BANP: variants seen among roughly 807,000 people sequenced by gnomAD.
BANP encodes BTG3 associated nuclear protein, also known as protein BANP.
A neutral mutation model predicts 68.1 loss-of-function variants in BANP; 11 were observed. That is an observed-to-expected ratio of 0.16 (90% CI 0.10 to 0.27). The LOEUF (loss-of-function observed/expected upper bound fraction) is 0.27. BANP is among the 10% of genes least tolerant of loss of function. BANP has a pLI of 1.00. For synonymous variants in BANP, 329 were observed against 303.2 expected (o/e 1.09, Z -0.88); for missense variants, 504 against 722.7 (o/e 0.70, Z 3.47).
chr16:88,064,628 G>T lies in BANP; in HGVS notation c.1312-639G>T, dbSNP rs1027462611. On this transcript the variant is annotated intron_variant, in intron 11 of 13. Transcript: ENST00000682872. The surrounding 1 kb of genome is among the most constrained non-coding windows in gnomAD (Gnocchi z 4.5). Reference sequence around the variant, plus strand: ...CGTGGCACTCCCCGAGGAGGCCTGGGGACCCCTCCTGGACATGCCTTCCTC... The same window carrying T: ...CGTGGCACTCCCCGAGGAGGCCTGGTGACCCCTCCTGGACATGCCTTCCTC... Among the ~76,000 whole-genome samples the T allele has an allele frequency of 2.6e-5, 4 of 152,232 alleles. No individual in the cohort carries two copies. The highest frequency in any genetic ancestry group is 9.6e-5 in the African/African-American group (4 of 41,472).
chr16:88,034,745 T>A (rs369695733), intron 9 of BANP, among the ~76,000 whole-genome samples: 5 of 152,370 alleles, frequency 3.3e-5, no homozygotes, highest in African/African-American at 1.2e-4. Flanking sequence ...TTTAAAGATG[T>A]AAATATCTTT....
chr16:88,003,673 C>T lies in BANP; in HGVS notation c.363-622C>T, dbSNP rs2070101081. ...GCTGGTTTCTGGGCCATGGTCTGTT[C>T]TTTTGTAGAATCTTTTCCTTCAAAG... On this transcript the variant is annotated intron_variant, in intron 4 of 13. Transcript: ENST00000682872. This position sits in a 1 kb window ranked among gnomAD's most constrained non-coding sequence, Gnocchi z 6.1. 1 of 368,620 alleles carries T rather than the reference C, an allele frequency of 2.7e-6. No individual in the cohort carries two copies. The highest frequency in any genetic ancestry group is 3.6e-5 in the Admixed American group (1 of 28,158). The allele number at this position is 368,620 out of a possible 1,614,324, so 22.8% of individuals were successfully genotyped here.
chr16:88,034,154 G>T (rs947096405), intron 9 of BANP, among the ~76,000 whole-genome samples: 2 of 152,188 alleles, frequency 1.3e-5, no homozygotes, highest in Admixed American at 6.5e-5. Flanking sequence ...AAATTCTGGG[G>T]CTTTTAGAGG....
chr16:88,017,696 G>A (rs548725770), intron 6 of BANP, among the ~76,000 whole-genome samples: 5 of 152,208 alleles, frequency 3.3e-5, no homozygotes, highest in African/African-American at 1.2e-4. Flanking sequence ...ATCGTCACAG[G>A]AGTGTGCTTT....
intron 6 of BANP, among the ~76,000 whole-genome samples, chr16:88,011,711 C>T (rs1414613475): frequency 2.0e-5 from 3 of 152,148 alleles, no homozygotes; most frequent in Non-Finnish European, 4.4e-5. Flanking sequence ...ATCATAAAGT[C>T]CCTGATTTTA....
rs2079455048 is a variant in BANP at position 88,036,713 on chromosome 16, CAG to C, written c.1273-1259_1273-1258del. On this transcript the variant is annotated intron_variant, in intron 10 of 13. Coordinates refer to ENST00000682872, the MANE Select transcript of BANP (RefSeq NM_001386991.1). The surrounding 1 kb of genome is among the most constrained non-coding windows in gnomAD (Gnocchi z 4.2). ...GGGCTCATCCACACAGCGACATGAC[CAG>C]GTCACTAAGAAACGTGGTCAGATGG... 6.6e-6 allele frequency among the ~76,000 whole-genome samples: 1 copy of C among 152,142 alleles called. No homozygotes were observed. The highest frequency in any genetic ancestry group is 6.5e-5 in the Admixed American group (1 of 15,280).
intron 11 of BANP, among the ~76,000 whole-genome samples, chr16:88,050,172 G>A (rs930074507): frequency 1.1e-4 from 16 of 152,132 alleles, no homozygotes; most frequent in African/African-American, 3.9e-4. Flanking sequence ...CCAGCTAATC[G>A]ATGAGACACA....
At chr16:87,968,014 A>G (rs2060393671) in intron 1 of BANP, among the ~76,000 whole-genome samples, 1 of 149,442 alleles carries the variant, frequency 6.7e-6, no homozygotes, top group African/African-American at 2.4e-5. Flanking sequence ...TTGGCCTCCC[A>G]AAGTGCTGGG....
At chr16:88,027,085 G>C (rs376575394) in intron 7 of BANP, among the ~76,000 whole-genome samples, 2 of 152,238 alleles carry the variant, frequency 1.3e-5, no homozygotes, top group African/African-American at 4.8e-5. Context: ...TGAGGTCCCT[G>C]ATCTCACCCT....
chr16:88,011,403 T>G (rs2073085053), intron 6 of BANP, among the ~76,000 whole-genome samples: 1 of 152,126 alleles, frequency 6.6e-6, no homozygotes, highest in Non-Finnish European at 1.5e-5. Context: ...AGCCGCCGAC[T>G]GGTGTTGGAC....
rs555324429 is a variant in BANP, at chr16:87,986,745, C to T, written c.362+2486C>T. ...GGGGGCAAATGATATCATTCACAGA[C>T]CTGCGGTGGTTGTCTGTCTACTTGT... is the stretch of plus-strand genomic sequence containing the variant. On this transcript the variant is annotated intron_variant, in intron 4 of 13. Coordinates refer to ENST00000682872, the MANE Select transcript of BANP (RefSeq NM_001386991.1). 3.9e-5 allele frequency among the ~76,000 whole-genome samples: 6 copies of T among 152,254 alleles called. No individual in the cohort carries two copies. The South Asian group carries it at 1.2e-3, about 32-fold the overall frequency.
Position 88,060,077 on chromosome 16 carries a change from G to A in BANP, c.1312-5190G>A, listed in dbSNP as rs1042914211. The stretch of plus-strand genomic sequence containing the variant: ...AGGTGCTCTGACTTACCCAAGTTGG[G>A]GGTGCTCTGCTGTGGCCGAAGGTGC... On this transcript the variant is annotated intron_variant, in intron 11 of 13. Coordinates refer to ENST00000682872, the MANE Select transcript of BANP (RefSeq NM_001386991.1). 2.0e-5 allele frequency among the ~76,000 whole-genome samples: 3 copies of A among 152,386 alleles called. No individual in the cohort carries two copies. The East Asian group carries it at 5.8e-4, about 29-fold the overall frequency.
chr16:88,005,231 T>G (rs1290247317), intron 5 of BANP, among the ~76,000 whole-genome samples: 2 of 152,098 alleles, frequency 1.3e-5, no homozygotes, highest in Non-Finnish European at 2.9e-5. Flanking sequence ...CTCAGGGGCT[T>G]TGCACTGAGG....
intron 2 of BANP, among the ~76,000 whole-genome samples, chr16:87,977,962 A>G (rs952891615): frequency 6.6e-6 from 1 of 151,972 alleles, no homozygotes; most frequent in Non-Finnish European, 1.5e-5. Flanking sequence ...CAGCCTCCCA[A>G]GTAGCTGGGA....
intron 7 of BANP, among the ~76,000 whole-genome samples, chr16:88,020,950 G>A (rs995914310): frequency 6.6e-6 from 1 of 152,220 alleles, no homozygotes; most frequent in African/African-American, 2.4e-5. Flanking sequence ...TCTGTATTCA[G>A]GGAGTCCATG....
intron 1 of BANP, among the ~76,000 whole-genome samples, chr16:87,964,583 C>T (rs192025313): frequency 1.2e-3 from 157 of 132,716 alleles, no homozygotes; most frequent in African/African-American, 4.5e-3. Context: ...GCAGAGGGCC[C>T]GTGAGATGGG....
intron 9 of BANP, chr16:88,035,003 G>C (rs1296420024): frequency 1.4e-5 from 4 of 285,060 alleles, no homozygotes; most frequent in Non-Finnish European, 1.3e-5. Flanking sequence ...TCGTTCCTTT[G>C]TCCAGCATGT....
At chr16:87,996,397 G>A (rs1211510567) in intron 4 of BANP, among the ~76,000 whole-genome samples, 1 of 152,088 alleles carries the variant, frequency 6.6e-6, no homozygotes, top group Non-Finnish European at 1.5e-5. Context: ...TGCCGGCTGG[G>A]CCCTCGTCCG....
chr16:87,975,239 C>A (rs1357821790), intron 2 of BANP, 54 bp downstream of exon 2: 2 of 1,540,714 alleles, frequency 1.3e-6, no homozygotes, highest in African/African-American at 2.7e-5. Flanking sequence ...TCTTCAAAAA[C>A]CAAAAGCTGC....
Sources: allele counts gnomAD v4.1 joint callset (sites outside exome capture counted in the v4.1 genomes callset), GRCh38; gene constraint gnomAD v4.1.1; non-coding constraint Gnocchi (gnomAD v3.1); transcripts MANE v1.5; gene names NCBI Gene and HGNC (gene_info 2026-07-23, HGNC 2026-07-21).